BRD2: variants seen among roughly 807,000 people sequenced by gnomAD.
BRD2 encodes bromodomain-containing protein 2.
In BRD2, 15 loss-of-function variants were observed where a neutral mutation model predicts 79.1. The observed-to-expected ratio is 0.19, with a 90% confidence interval of 0.13 to 0.29. The LOEUF is 0.29. Ranked by LOEUF, BRD2 falls within the 10% of genes least tolerant of loss-of-function variation. The pLI is 1.00. For missense variants in BRD2, 1,053 were observed against 991.3 expected (o/e 1.06, Z -0.84); for synonymous variants, 488 against 358.6 (o/e 1.36, Z -4.08).
At chr6:32,977,664 C>G (rs1778941632) in intron 8 of BRD2, 93 bp from the exon 9 acceptor site, 2 of 1,602,666 alleles carry the variant, frequency 1.2e-6, no homozygotes, top group African/African-American at 1.3e-5. Flanking sequence ...TCTCACTGTT[C>G]TGTACAGTTG....
rs1345891734 is a variant in BRD2 at position 32,971,580 on chromosome 6, T to G, written c.-1304-15T>G. On this transcript the variant is annotated splice_polypyrimidine_tract_variant and intron_variant, in intron 1 of 12. Coordinates refer to ENST00000374825, the MANE Select transcript of BRD2 (RefSeq NM_005104.4). ...GGCCGCGGCTTCTAAGATGGCGTCT[T>G]TTTCCTCGTTTCAGATTCTTCGCTG... The G allele has an allele frequency of 2.2e-6, 1 of 455,816 alleles. No individual in the cohort carries two copies. Among genetic ancestry groups the G allele is most frequent in the Non-Finnish European group, 3.9e-6 (1 of 258,794 alleles). The allele number at this position is 455,816 out of a possible 1,614,324, so 28.2% of individuals were successfully genotyped here.
rs1014248157 is a variant in BRD2, at chr6:32,975,625, G to A, written c.471+104G>A. 3.1e-5 allele frequency: 45 copies of A among 1,432,730 alleles called. No individual in the cohort carries two copies. In the Middle Eastern group the frequency reaches 1.1e-3, roughly 34 times the overall value. The allele number at this position is 1,432,730 out of a possible 1,614,324, so 88.8% of individuals were successfully genotyped here. A position where few individuals can be genotyped will look rare whatever the true frequency, so the allele number is the denominator to read the frequency against. ...AAGTTTAAATCCTTTGCTACTGAAG[G>A]TGTTATCCAGGTAGGGTAGTCGGAG... On this transcript the variant is annotated intron_variant, in intron 4 of 12. Transcript: ENST00000374825.
At chr6:32,973,052 C>A (rs771746626) in intron 2 of BRD2, 125 bp downstream of exon 2, 3 of 1,603,468 alleles carry the variant, frequency 1.9e-6, no homozygotes, top group Admixed American at 3.5e-5. Context: ...GCTGTCGACT[C>A]GGTCGCGCGG....
In BRD2 at chr6:32,981,033, C is replaced by T. The variant is rs1181495634; in HGVS notation, c.*315C>T. On this transcript the variant is annotated 3_prime_UTR_variant, in exon 13 of 13. Coordinates refer to ENST00000374825, the MANE Select transcript of BRD2 (RefSeq NM_005104.4). ...CTGGAGTTACCTGAGGCCACAGCTGCCCTATTCACTTCTAAGGGCCCTGTT... is the reference window on the plus strand; with the variant it reads ...CTGGAGTTACCTGAGGCCACAGCTGTCCTATTCACTTCTAAGGGCCCTGTT... The T allele has an allele frequency of 1.2e-5, 4 of 341,258 alleles. No individual in the cohort carries two copies. The highest frequency in any genetic ancestry group is 2.1e-5 in the African/African-American group (1 of 48,686). 21.1% of individuals were successfully genotyped at this position (341,258 alleles called of 1,614,324 possible).
intron 1 of BRD2, among the ~76,000 whole-genome samples, chr6:32,969,836 C>T (rs902173898): frequency 6.6e-6 from 1 of 152,142 alleles, no homozygotes; most frequent in Non-Finnish European, 1.5e-5. Context: ...TCACAGCTCC[C>T]AAGGTTTCGG....
Position 32,978,012 on chromosome 6 carries a change from T to C in BRD2, c.1578+7T>C, listed in dbSNP as rs753661509. On this transcript the variant is annotated splice_region_variant and intron_variant, in intron 9 of 12. Transcript: ENST00000374825. ...AGCAGAACTACAGGAACAGGTATTT[T>C]GTCACTCTTGAAAGTTTTTATTGGG... The C allele has an allele frequency of 6.8e-6, 11 of 1,606,708 alleles. No individual in the cohort carries two copies. Among genetic ancestry groups the C allele is most frequent in the East Asian group, 2.2e-5 (1 of 44,870 alleles).
intron 3 of BRD2, 67 bp from the exon 4 acceptor site, chr6:32,975,315 TCG>T: frequency 8.1e-6 from 10 of 1,241,756 alleles, no homozygotes; most frequent in South Asian, 2.8e-5. Context: ...TGTGTGAGAG[TCG>T]GGGATCGGTA....
Position 32,971,963 on chromosome 6 carries a change from T to C in BRD2, c.-936T>C, listed in dbSNP as rs73409619. On this transcript the variant is annotated 5_prime_UTR_variant, in exon 2 of 13. Transcript: ENST00000374825. ...CCTGTGGGTCTCTGCGGCACTCTTC[T>C]GCCTGGTGACTGACACCTTGGAAAT... 5.6e-4 allele frequency: 393 copies of C among 702,980 alleles called. 1 individual carries two copies. In the African/African-American group the frequency reaches 6.2e-3, roughly 11 times the overall value. 43.5% of individuals were successfully genotyped at this position (702,980 alleles called of 1,614,324 possible).
Position 32,980,129 on chromosome 6 carries a change from T to C in BRD2, c.2143T>C (p.Tyr715His). The C allele has an allele frequency of 6.2e-7, 1 of 1,610,722 alleles. No homozygotes were observed. Among genetic ancestry groups the C allele is most frequent in the South Asian group, 1.1e-5 (1 of 91,006 alleles). Residue 715 changes from tyrosine (Y) to histidine (H), a missense_variant, in exon 11 of 13, where the codon TAC becomes CAC. Tyr to His is a moderately conservative substitution (Grantham distance 83, BLOSUM62 2). Transcript: ENST00000374825. ...SCLRKKPRKP[Y>H]TIKKPVGKTK... ...CCTACGTAAGAAACCCCGGAAGCCC[T>C]ACAGTACGTATGAAATGAGGTTCAT...
At position 32,972,120 on chromosome 6, in the gene BRD2, C is replaced by T. The variant is rs1309778440; in HGVS notation, c.-779C>T. 7 of 682,240 alleles carry T rather than the reference C, an allele frequency of 1.0e-5. No individual in the cohort carries two copies. Among genetic ancestry groups the T allele is most frequent in the South Asian group, 7.7e-5 (5 of 65,356 alleles). 42.3% of individuals were successfully genotyped at this position (682,240 alleles called of 1,614,324 possible). On this transcript the variant is annotated 5_prime_UTR_variant, in exon 2 of 13. Coordinates refer to ENST00000374825, the MANE Select transcript of BRD2 (RefSeq NM_005104.4). ...CGCGCGGAGGGGGTGGGGAAAAGCT[C>T]AAGCAGGGTGGCGCGCATGAGCGGC... is the stretch of plus-strand genomic sequence containing the variant.
chr6:32,978,851 G>C (rs996009137), intron 10 of BRD2: 1 of 170,876 alleles, frequency 5.9e-6, no homozygotes, highest in African/African-American at 2.4e-5. Context: ...CAGCTACTCT[G>C]ACAGTGAACT....
Position 32,976,947 on chromosome 6 carries a change from C to T in BRD2, c.1200+11C>T, listed in dbSNP as rs1778843484. ...CTCAGCACTGTCAAGGTACCCACTGCATGGGGCAGATGGGATGCTCAGGCA... is the reference window on the plus strand; with the variant it reads ...CTCAGCACTGTCAAGGTACCCACTGTATGGGGCAGATGGGATGCTCAGGCA... On this transcript the variant is annotated intron_variant, in intron 7 of 12. Coordinates refer to ENST00000374825, the MANE Select transcript of BRD2 (RefSeq NM_005104.4). The T allele has an allele frequency of 6.2e-7, 1 of 1,600,604 alleles. No individual in the cohort carries two copies. The highest frequency in any genetic ancestry group is 8.5e-7 in the Non-Finnish European group (1 of 1,172,438).
chr6:32,969,461 C>G (rs1777755144), intron 1 of BRD2: 1 of 660,732 alleles, frequency 1.5e-6, no homozygotes, highest in South Asian at 1.6e-5. Context: ...AGTTGGCCAC[C>G]CATGTTGTGA....
rs2127502399 is a variant in BRD2, at chr6:32,972,684, C to T, written c.-215C>T. ...AGGCCGCCGCCATTTTCTTGCTGTC[C>T]GCCGTCTGCAGAGCGCGCCAAGCTG... On this transcript the variant is annotated 5_prime_UTR_variant, in exon 2 of 13. Transcript: ENST00000374825. The T allele has an allele frequency of 1.2e-5, 8 of 651,676 alleles. No homozygotes were observed. Among genetic ancestry groups the T allele is most frequent in the Non-Finnish European group, 1.8e-5 (7 of 381,986 alleles). The allele number at this position is 651,676 out of a possible 1,614,324, so 40.4% of individuals were successfully genotyped here.
rs373311353 is a variant in BRD2 at position 32,974,896 on chromosome 6, C to T, written c.333+131C>T. The T allele has an allele frequency of 2.9e-5, 40 of 1,392,466 alleles. No homozygotes were observed. The African/African-American group carries it at 4.9e-4, about 17-fold the overall frequency. The allele number at this position is 1,392,466 out of a possible 1,614,324, so 86.3% of individuals were successfully genotyped here. A position where few individuals can be genotyped will look rare whatever the true frequency, so the allele number is the denominator to read the frequency against. On this transcript the variant is annotated intron_variant, in intron 3 of 12. Transcript: ENST00000374825. ...TTCTCCCCTGTAGGGCAGTTAGCTACCAGATTTCTGGGTATCTTGGTCCTT... is the reference window on the plus strand; with the variant it reads ...TTCTCCCCTGTAGGGCAGTTAGCTATCAGATTTCTGGGTATCTTGGTCCTT...
chr6:32,980,126 C>A lies in BRD2; in HGVS notation c.2140C>A (p.Pro714Thr). The change falls in exon 11 of 13, where the codon CCC (proline) becomes ACC (threonine). Residue 714 changes from proline (P) to threonine (T), a missense_variant. Coordinates refer to ENST00000374825, the MANE Select transcript of BRD2 (RefSeq NM_005104.4). ...CTGCCTACGTAAGAAACCCCGGAAGCCCTACAGTACGTATGAAATGAGGTT... is the reference window on the plus strand; with the variant it reads ...CTGCCTACGTAAGAAACCCCGGAAGACCTACAGTACGTATGAAATGAGGTT... The part of the protein sequence containing the change: ...LSCLRKKPRK[P>T]YTIKKPVGKT... 6.2e-7 allele frequency: 1 copy of A among 1,610,728 alleles called. No homozygotes were observed. Among genetic ancestry groups the A allele is most frequent in the Non-Finnish European group, 8.5e-7 (1 of 1,179,262 alleles).
chr6:32,972,467 C>T lies in BRD2; in HGVS notation c.-432C>T, dbSNP rs1778139583. On this transcript the variant is annotated 5_prime_UTR_variant, in exon 2 of 13. Transcript: ENST00000374825. ...AAGAGGATTTCAAAGATGGAGGCGG[C>T]GGCTCCCTAAACCACTTTTCGTGTT... 2 of 297,788 alleles carry T rather than the reference C, an allele frequency of 6.7e-6. No homozygotes were observed. Among genetic ancestry groups the T allele is most frequent in the South Asian group, 3.6e-5 (1 of 27,640 alleles). 18.4% of individuals were successfully genotyped at this position (297,788 alleles called of 1,614,324 possible). A position where few individuals can be genotyped will look rare whatever the true frequency, so the allele number is the denominator to read the frequency against.
At chr6:32,974,891 A>T in intron 3 of BRD2, 126 bp downstream of exon 3, 2 of 1,395,720 alleles carry the variant, frequency 1.4e-6, no homozygotes, top group Non-Finnish European at 1.9e-6. Context: ...TAGGGCAGTT[A>T]GCTACCAGAT....
rs1348428768 is a variant in BRD2, at chr6:32,968,803, T to C, written c.-1558T>C. ...CGTTCGGAAAGCTGGTCCTCGTGGC[T>C]GGGGGAAAGGCGGGGGGTGGGGGGG... On this transcript the variant is annotated 5_prime_UTR_variant, in exon 1 of 13. Coordinates refer to ENST00000374825, the MANE Select transcript of BRD2 (RefSeq NM_005104.4). The C allele has an allele frequency of 1.6e-5, 1 of 62,052 alleles. No homozygotes were observed. Among genetic ancestry groups the C allele is most frequent in the Non-Finnish European group, 3.7e-5 (1 of 27,000 alleles). The allele number at this position is 62,052 out of a possible 1,614,324, so 3.8% of individuals were successfully genotyped here. A position where few individuals can be genotyped will look rare whatever the true frequency, so the allele number is the denominator to read the frequency against.
Sources: allele counts gnomAD v4.1 joint callset (sites outside exome capture counted in the v4.1 genomes callset), GRCh38; gene constraint gnomAD v4.1.1; transcripts MANE v1.5; gene names NCBI Gene and HGNC (gene_info 2026-07-23, HGNC 2026-07-21).